ELAPOR2: variants seen among roughly 807,000 people sequenced by gnomAD.
The protein encoded by ELAPOR2 is endosome/lysosome-associated apoptosis and autophagy regulator family member 2.
In ELAPOR2, 89 loss-of-function variants were observed where a neutral mutation model predicts 120.7. The observed-to-expected ratio is 0.74, with a 90% CI of 0.62 to 0.88. The LOEUF (loss-of-function observed/expected upper bound fraction) is 0.88, where lower values mean the gene tolerates loss of function less well. ELAPOR2 is among the 40% of genes least tolerant of loss of function. The probability of loss-of-function intolerance (pLI) is 0.00; values close to 1 mark genes in which losing one functional copy is unlikely to be tolerated. For missense variants in ELAPOR2, 1,134 were observed against 1,251.6 expected (o/e 0.91, Z 1.42); for synonymous variants, 444 against 444.9 (o/e 1.00, Z 0.03).
intron 12 of ELAPOR2, among the ~76,000 whole-genome samples, chr7:86,916,604 T>C (rs1789580304): frequency 6.6e-6 from 1 of 152,176 alleles, no homozygotes; most frequent in East Asian, 1.9e-4. Context: ...CCACCCACAA[T>C]GCTTGCTAAA....
intron 19 of ELAPOR2, among the ~76,000 whole-genome samples, chr7:86,893,622 C>T (rs951243206): frequency 5.9e-5 from 9 of 151,984 alleles, no homozygotes; most frequent in Admixed American, 5.9e-4. Flanking sequence ...AGGTGCACCA[C>T]GGCTGGGTAA....
At chr7:87,056,263 T>A (rs2129018910) in intron 1 of ELAPOR2, among the ~76,000 whole-genome samples, 1 of 152,308 alleles carries the variant, frequency 6.6e-6, no homozygotes, top group East Asian at 1.9e-4. Context: ...CTTATATTAA[T>A]CTCATTTCAT....
chr7:86,942,804 C>T (rs1030663238), intron 4 of ELAPOR2, among the ~76,000 whole-genome samples: 1 of 152,026 alleles, frequency 6.6e-6, no homozygotes, highest in African/African-American at 2.4e-5. Flanking sequence ...GTTAGGCCAC[C>T]TTTCCAATAT....
Position 86,962,744 on chromosome 7 carries a change from C to T in ELAPOR2, c.310+2160G>A, listed in dbSNP as rs368637109. Among the ~76,000 whole-genome samples the T allele has an allele frequency of 1.4e-4, 22 of 152,252 alleles. No homozygotes were observed. The East Asian group carries it at 2.9e-3, about 20-fold the overall frequency. ...CTGTTGTGAGGATACAATGGGATAA[C>T]GACATAAAGCTCTAAGCACAATGTT... is the stretch of plus-strand genomic sequence containing the variant. On this transcript the variant is annotated intron_variant, in intron 2 of 21. Transcript: ENST00000450689.
intron 8 of ELAPOR2, among the ~76,000 whole-genome samples, chr7:86,935,708 G>A (rs1790534803): frequency 1.3e-5 from 2 of 151,652 alleles, no homozygotes; most frequent in South Asian, 4.1e-4. Context: ...GACAGCCACT[G>A]CTCTACATCT....
intron 1 of ELAPOR2, among the ~76,000 whole-genome samples, chr7:86,989,999 C>T (rs1182067757): frequency 2.0e-5 from 3 of 151,808 alleles, no homozygotes; most frequent in Non-Finnish European, 4.4e-5. Flanking sequence ...TGAGAGGTGG[C>T]GCCTTTAAGA....
At chr7:87,013,005 T>C (rs1346598990) in intron 1 of ELAPOR2, among the ~76,000 whole-genome samples, 3 of 152,204 alleles carry the variant, frequency 2.0e-5, no homozygotes, top group African/African-American at 7.2e-5. Context: ...TAACAAGCCA[T>C]CAAATAGAAC....
intron 16 of ELAPOR2, among the ~76,000 whole-genome samples, chr7:86,909,253 G>A (rs984580073): frequency 2.0e-5 from 3 of 151,934 alleles, no homozygotes; most frequent in African/African-American, 7.2e-5. Context: ...TAAAACCACA[G>A]ATTCCTAAGC....
intron 1 of ELAPOR2, among the ~76,000 whole-genome samples, chr7:87,026,295 G>T (rs969918490): frequency 6.6e-6 from 1 of 151,950 alleles, no homozygotes; most frequent in Admixed American, 6.6e-5. Flanking sequence ...GGTTAGTATG[G>T]GAACTATCAC....
chr7:87,044,854 C>T (rs535403686), intron 1 of ELAPOR2, among the ~76,000 whole-genome samples: 1 of 149,608 alleles, frequency 6.7e-6, no homozygotes, highest in East Asian at 1.9e-4. Flanking sequence ...TCACAACCTA[C>T]TCATCTGACA....
chr7:86,960,441 C>T (rs561609054), intron 2 of ELAPOR2, among the ~76,000 whole-genome samples: 6 of 152,040 alleles, frequency 3.9e-5, no homozygotes, highest in Middle Eastern at 3.4e-3. Flanking sequence ...TTAGTAGAGA[C>T]GGGGTTTCAC....
intron 1 of ELAPOR2, among the ~76,000 whole-genome samples, chr7:86,980,593 T>C (rs1404810442): frequency 2.0e-5 from 3 of 152,046 alleles, no homozygotes; most frequent in Admixed American, 6.5e-5. Flanking sequence ...ATATAAAAGC[T>C]CTCTAGGCAT....
chr7:86,950,543 C>T (rs1791202451), intron 2 of ELAPOR2, among the ~76,000 whole-genome samples: 2 of 152,184 alleles, frequency 1.3e-5, no homozygotes, highest in Admixed American at 1.3e-4. Context: ...ACAGAAGCTG[C>T]TTGTGGCATG....
intron 10 of ELAPOR2, chr7:86,919,909 A>G (rs1243345421): frequency 6.6e-6 from 1 of 152,162 alleles, no homozygotes; most frequent in Admixed American, 6.6e-5. Flanking sequence ...GTGCACAGAG[A>G]ACCATTATGA....
chr7:86,986,734 A>G (rs978021790), intron 1 of ELAPOR2, among the ~76,000 whole-genome samples: 163 of 152,038 alleles, frequency 1.1e-3, no homozygotes, highest in African/African-American at 3.8e-3. Flanking sequence ...ATGCTCATGG[A>G]TAGGAAGAAT....
At chr7:87,042,251 C>T (rs1042000249) in intron 1 of ELAPOR2, among the ~76,000 whole-genome samples, 2 of 151,076 alleles carry the variant, frequency 1.3e-5, no homozygotes, top group African/African-American at 4.9e-5. Flanking sequence ...CAGCTCTGCA[C>T]CAAGTGGACC....
chr7:87,012,197 G>A (rs1793709729), intron 1 of ELAPOR2, among the ~76,000 whole-genome samples: 1 of 152,256 alleles, frequency 6.6e-6, no homozygotes, highest in Non-Finnish European at 1.5e-5. Context: ...AGATCACAAG[G>A]TCAGGAGATT....
chr7:86,912,272 T>C (rs1562916525), intron 14 of ELAPOR2, 27 bp from the exon 15 acceptor site: 1 of 1,489,752 alleles, frequency 6.7e-7, no homozygotes, highest in East Asian at 2.3e-5. Context: ...AGAAACAATA[T>C]AGCAGGAAAG....
In ELAPOR2 at chr7:86,958,568, C is replaced by T. The variant is rs564349732; in HGVS notation, c.310+6336G>A. Reference sequence around the variant, plus strand: ...AGCCGGCCGATTGAGTTGCCAGAATCTCTGGCCCTTCCCACATCCTCCCTG... The same window carrying T: ...AGCCGGCCGATTGAGTTGCCAGAATTTCTGGCCCTTCCCACATCCTCCCTG... On this transcript the variant is annotated intron_variant, in intron 2 of 21. Transcript: ENST00000450689. Among the ~76,000 whole-genome samples the T allele has an allele frequency of 1.1e-4, 16 of 152,312 alleles. No individual in the cohort carries two copies. The East Asian group carries it at 2.7e-3, about 26-fold the overall frequency.
Sources: allele counts gnomAD v4.1 joint callset (sites outside exome capture counted in the v4.1 genomes callset), GRCh38; gene constraint gnomAD v4.1.1; transcripts MANE v1.5; gene names NCBI Gene and HGNC (gene_info 2026-07-23, HGNC 2026-07-21).